RALGAPA1: variants seen among roughly 807,000 people sequenced by gnomAD.
RALGAPA1 encodes ral GTPase-activating protein subunit alpha-1.
In RALGAPA1, 52 loss-of-function variants were observed where a neutral mutation model predicts 269.6. The ratio of observed to expected loss-of-function variants is 0.19; its 90% CI spans 0.15 to 0.24. The LOEUF (loss-of-function observed/expected upper bound fraction) is 0.24, where lower values mean the gene tolerates loss of function less well. RALGAPA1 is among the 10% of genes least tolerant of loss of function. The probability of loss-of-function intolerance (pLI) is 1.00; values close to 1 mark genes in which losing one functional copy is unlikely to be tolerated. For synonymous variants in RALGAPA1, 817 were observed against 1,008.3 expected, an observed-to-expected ratio of 0.81 and a Z score of 3.60; for missense variants, 1,917 against 3,013.9, an observed-to-expected ratio of 0.64 and a Z score of 8.52.
At chr14:35,645,346 G>GGTGTGTGTGTGT (rs58039867) in intron 31 of RALGAPA1, among the ~76,000 whole-genome samples, 4,044 of 129,290 alleles carry the variant, frequency 0.031, 74 homozygotes, top group South Asian at 0.042. Context: ...TATAGAGATG[G>GGTGTGTGTGTGT]GTGTGTGTGT....
chr14:35,628,434 C>A (rs2061124078), intron 33 of RALGAPA1, among the ~76,000 whole-genome samples: 2 of 151,828 alleles, frequency 1.3e-5, no homozygotes, highest in African/African-American at 4.8e-5. Context: ...GTACTCCAGC[C>A]CAGGTGTCAG....
At chr14:35,614,347 A>G (rs991100184) in intron 35 of RALGAPA1, among the ~76,000 whole-genome samples, 3 of 152,360 alleles carry the variant, frequency 2.0e-5, no homozygotes, top group East Asian at 1.9e-4. Context: ...TGGATAAACA[A>G]ATATTTATCA....
At chr14:35,546,077 C>T (rs1032885954) in intron 41 of RALGAPA1, among the ~76,000 whole-genome samples, 3 of 152,162 alleles carry the variant, frequency 2.0e-5, no homozygotes, top group East Asian at 3.9e-4. Flanking sequence ...TGTGACATCA[C>T]GATATTTCCC....
At position 35,689,341 on chromosome 14, in the gene RALGAPA1, G is replaced by C. The variant is rs1327931320; in HGVS notation, c.3070C>G (p.Gln1024Glu). Residue 1024 changes from glutamine to glutamate, a missense_variant, in exon 18 of 42, where the codon CAG becomes GAG. Physicochemically the swap from Gln to Glu is conservative, Grantham distance 29. Transcript: ENST00000680220. The part of the protein sequence containing the change: ...AVFMSNIAPN[Q>E]SDSFFRTQTS... The stretch of plus-strand genomic sequence containing the variant: ...TGTGTTCTAAAAAAACTGTCTGACT[G>C]GTTAGGTGCGATATTACTCATGAAG... The C allele has an allele frequency of 1.6e-6, 2 of 1,232,092 alleles. No individual in the cohort carries two copies. Among genetic ancestry groups the C allele is most frequent in the African/African-American group, 3.1e-5 (2 of 64,384 alleles). The allele number at this position is 1,232,092 out of a possible 1,614,324, so 76.3% of individuals were successfully genotyped here.
chr14:35,582,273 A>G (rs2057999355), intron 37 of RALGAPA1, among the ~76,000 whole-genome samples: 1 of 152,212 alleles, frequency 6.6e-6, no homozygotes, highest in African/African-American at 2.4e-5. Flanking sequence ...GAAAATTTAA[A>G]AAAGTTCTGG....
chr14:35,789,846 A>T (rs2076033782), intron 1 of RALGAPA1, among the ~76,000 whole-genome samples: 1 of 152,242 alleles, frequency 6.6e-6, no homozygotes, highest in African/African-American at 2.4e-5. Flanking sequence ...CCAGGGCTTG[A>T]ATCACAGGAG....
intron 12 of RALGAPA1, among the ~76,000 whole-genome samples, chr14:35,729,614 A>C (rs2070284590): frequency 6.6e-6 from 1 of 152,184 alleles, no homozygotes. Context: ...TCAGAAAAAG[A>C]GGAAAATCAA....
At chr14:35,605,546 C>T (rs747177591) in intron 36 of RALGAPA1, 40 bp downstream of exon 36, 15 of 1,531,526 alleles carry the variant, frequency 9.8e-6, no homozygotes, top group Non-Finnish European at 1.3e-5. Context: ...TAAGCTTATG[C>T]TTCCAAATAT....
At chr14:35,737,759 CAAAAAAAAAAAAAAAAA>C (rs60152249) in intron 12 of RALGAPA1, among the ~76,000 whole-genome samples, 4 of 17,420 alleles carry the variant, frequency 2.3e-4, no homozygotes, top group South Asian at 3.5e-3. Context: ...AAATCCATCT[CAAAAAAAAAAAAAAAAA>C]AAAAAAAAAA....
chr14:35,799,454 TGGG>T (rs773757478), intron 1 of RALGAPA1, among the ~76,000 whole-genome samples: 2 of 151,546 alleles, frequency 1.3e-5, no homozygotes, highest in Non-Finnish European at 2.9e-5. Context: ...CCCAGCTACT[TGGG>T]AAGCTGAGGC....
At position 35,809,022 on chromosome 14, in the gene RALGAPA1, G is replaced by C. The variant is rs1490355049; in HGVS notation, c.-187C>G. The C allele has an allele frequency of 2.1e-5, 25 of 1,187,522 alleles. No individual in the cohort carries two copies. Among genetic ancestry groups the C allele is most frequent in the Non-Finnish European group, 2.6e-5 (23 of 879,260 alleles). 73.6% of individuals were successfully genotyped at this position (1,187,522 alleles called of 1,614,324 possible). On this transcript the variant is annotated 5_prime_UTR_variant, in exon 1 of 42. Transcript: ENST00000680220. ...CAGGGCCGCCACCTCCACCCGCCTC[G>C]CGCCGCGGCTCCAAGGCACCTTCGG...
chr14:35,798,624 C>T (rs1017755504), intron 1 of RALGAPA1, among the ~76,000 whole-genome samples: 1 of 152,128 alleles, frequency 6.6e-6, no homozygotes, highest in East Asian at 1.9e-4. Context: ...TTTTAAGAAT[C>T]CATTACCAGC....
chr14:35,611,295 G>A (rs2059915797), intron 35 of RALGAPA1, among the ~76,000 whole-genome samples: 1 of 151,814 alleles, frequency 6.6e-6, no homozygotes, highest in African/African-American at 2.4e-5. Flanking sequence ...AGAGATAGAG[G>A]GGGCGAGACC....
chr14:35,775,439 T>C (rs2074948848), intron 2 of RALGAPA1, among the ~76,000 whole-genome samples, 196 bp downstream of exon 2: 1 of 152,156 alleles, frequency 6.6e-6, no homozygotes, highest in Admixed American at 6.5e-5. Flanking sequence ...CATTGTAAAG[T>C]AATAAGGATA....
chr14:35,562,891 T>G (rs749803391), intron 39 of RALGAPA1, among the ~76,000 whole-genome samples: 4 of 151,378 alleles, frequency 2.6e-5, no homozygotes, highest in Non-Finnish European at 5.9e-5. Flanking sequence ...CGTGGTGGCA[T>G]GCACCTGTAG....
intron 21 of RALGAPA1, 62 bp from the exon 22 acceptor site, chr14:35,678,164 T>G: frequency 6.8e-7 from 1 of 1,471,766 alleles, no homozygotes; most frequent in Non-Finnish European, 9.2e-7. Flanking sequence ...TAAGATGTAA[T>G]GCTTAACACC....
At chr14:35,684,142 AG>A (rs2065714579) in intron 20 of RALGAPA1, among the ~76,000 whole-genome samples, 157 bp from the exon 21 acceptor site, 1 of 152,238 alleles carries the variant, frequency 6.6e-6, no homozygotes, top group Non-Finnish European at 1.5e-5. Flanking sequence ...AATACTCTGA[AG>A]ATTATAAGTA....
intron 7 of RALGAPA1, among the ~76,000 whole-genome samples, chr14:35,755,835 T>G (rs931593833): frequency 2.6e-5 from 4 of 152,170 alleles, no homozygotes; most frequent in Admixed American, 1.3e-4. Context: ...CAAATTAACT[T>G]TATAATGTTT....
intron 2 of RALGAPA1, 152 bp downstream of exon 2, chr14:35,775,483 A>T: frequency 1.2e-6 from 1 of 865,826 alleles, no homozygotes; most frequent in Non-Finnish European, 1.6e-6. Flanking sequence ...TTTAAAATAC[A>T]GGTCACTAGA....
Sources: gnomAD v4.1 joint callset for allele counts (sites outside exome capture counted in the v4.1 genomes callset) on GRCh38, gnomAD v4.1.1 for gene constraint, MANE v1.5 for transcripts, NCBI Gene and HGNC (gene_info 2026-07-23, HGNC 2026-07-21) for gene names.